Variants in TMEM132B observed in about 807,000 individuals in gnomAD.
TMEM132B encodes transmembrane protein 132B.
In TMEM132B, 18 loss-of-function variants were observed where a neutral mutation model predicts 90.8. The observed-to-expected ratio is 0.20, with a 90% confidence interval of 0.14 to 0.29. TMEM132B has a LOEUF of 0.29. Among genes scored for constraint, TMEM132B ranks in the 10% least tolerant of loss-of-function variants. TMEM132B has a pLI of 1.00. For synonymous variants in TMEM132B, 504 were observed against 523.3 expected, an observed-to-expected ratio of 0.96 and a Z score of 0.50; for missense variants, 1,096 against 1,326.8, an observed-to-expected ratio of 0.83 and a Z score of 2.70.
chr12:125,269,271 G>A (rs867355901), intron 1 of TMEM132B, among the ~76,000 whole-genome samples: 1 of 152,212 alleles, frequency 6.6e-6, no homozygotes, highest in African/African-American at 2.4e-5. Flanking sequence ...CGGGGACTTG[G>A]AGGGTCTCCT....
chr12:125,263,777 G>A (rs184504880), intron 1 of TMEM132B, among the ~76,000 whole-genome samples: 1 of 152,316 alleles, frequency 6.6e-6, no homozygotes, highest in East Asian at 1.9e-4. Flanking sequence ...GTGATTGGAT[G>A]TGAACTGTTA....
chr12:125,599,546 G>C (rs1236376710), intron 5 of TMEM132B, among the ~76,000 whole-genome samples: 3 of 152,100 alleles, frequency 2.0e-5, no homozygotes, highest in African/African-American at 7.2e-5. Flanking sequence ...GCTGGTGAGT[G>C]GTGTAGGGTG....
chr12:125,533,075 C>T (rs1460741928), intron 4 of TMEM132B, among the ~76,000 whole-genome samples: 3 of 152,154 alleles, frequency 2.0e-5, no homozygotes. Flanking sequence ...GATGCATGTG[C>T]TTAAGAAAAT....
intron 1 of TMEM132B, among the ~76,000 whole-genome samples, chr12:125,325,170 C>A (rs1426834841): frequency 6.6e-6 from 1 of 152,186 alleles, no homozygotes; most frequent in Non-Finnish European, 1.5e-5. Flanking sequence ...CAGTTGCTTA[C>A]ATTTTTCACA....
intron 1 of TMEM132B, among the ~76,000 whole-genome samples, chr12:125,208,754 AG>A (rs1308132085): frequency 6.6e-6 from 1 of 152,138 alleles, no homozygotes; most frequent in Admixed American, 6.5e-5. Context: ...GCCGCGTGGT[AG>A]AAAGGAAGGC....
intron 2 of TMEM132B, among the ~76,000 whole-genome samples, chr12:125,384,839 A>G (rs1878781872): frequency 6.6e-6 from 1 of 152,192 alleles, no homozygotes; most frequent in East Asian, 1.9e-4. Context: ...TTTAGTAGAA[A>G]TGGGGTTTCA....
intron 4 of TMEM132B, among the ~76,000 whole-genome samples, chr12:125,562,462 G>T (rs1884557180): frequency 6.6e-6 from 1 of 152,152 alleles, no homozygotes; most frequent in African/African-American, 2.4e-5. Flanking sequence ...GGTGCCAAAG[G>T]CCTCTCTTTT....
chr12:125,409,936 G>A (rs200255061), intron 2 of TMEM132B, among the ~76,000 whole-genome samples: 166 of 11,326 alleles, frequency 0.015, 39 homozygotes, highest in African/African-American at 0.042. Context: ...GTGGAGTGGA[G>A]TGGAGGAGTG....
intron 4 of TMEM132B, among the ~76,000 whole-genome samples, chr12:125,521,384 G>T (rs1883302305): frequency 6.6e-6 from 1 of 152,096 alleles, no homozygotes; most frequent in Admixed American, 6.5e-5. Flanking sequence ...ATGCTGGACT[G>T]CCCCTGCATG....
chr12:125,612,830 G>T, intron 5 of TMEM132B, among the ~76,000 whole-genome samples: 1 of 51,634 alleles, frequency 1.9e-5, no homozygotes, highest in Non-Finnish European at 4.3e-5. Context: ...TATGTAGTGG[G>T]TGTTTATATT....
intron 1 of TMEM132B, among the ~76,000 whole-genome samples, chr12:125,241,030 A>C (rs1250597321): frequency 6.6e-6 from 1 of 152,216 alleles, no homozygotes; most frequent in Non-Finnish European, 1.5e-5. Context: ...TAAAACAACG[A>C]TTCTTAACCC....
In TMEM132B at chr12:125,237,253, G is replaced by C. The variant is rs73410494; in HGVS notation, c.67+50387G>C. The stretch of plus-strand genomic sequence containing the variant: ...TCACCAGTGCCGCAGGTGACCTCCA[G>C]GGGGCACCAAGGGGCTGTGGCTTTG... On this transcript the variant is annotated intron_variant, in intron 1 of 8. Transcript: ENST00000682704. 3.5e-3 allele frequency among the ~76,000 whole-genome samples: 533 copies of C among 152,208 alleles called. 4 individuals carry two copies. The highest frequency in any genetic ancestry group is 0.012 in the African/African-American group (517 of 41,514).
In TMEM132B at chr12:125,654,700, A is replaced by G. The variant is rs1887017672; in HGVS notation, c.3242A>G (p.Asp1081Gly). The G allele has an allele frequency of 6.2e-7, 1 of 1,611,796 alleles. No homozygotes were observed. Residue 1081 changes from aspartate to glycine, a missense_variant, in exon 9 of 9, where the codon GAC becomes GGC. By Grantham distance (94) the Asp-to-Gly change is moderately conservative. Transcript: ENST00000682704. The surrounding 1 kb of genome is among the most constrained non-coding windows in gnomAD (Gnocchi z 5.8). ...DFRDYMESLQ[D>G]QM ...AGAGACTATATGGAAAGTCTGCAAG[A>G]CCAGATGTAAACTCCTTTCTTATGT...
At chr12:125,304,704 G>A (rs1006845319) in intron 1 of TMEM132B, among the ~76,000 whole-genome samples, 5 of 152,108 alleles carry the variant, frequency 3.3e-5, no homozygotes, top group Non-Finnish European at 5.9e-5. Flanking sequence ...GGTGCTGCTT[G>A]CCTGTAGTCC....
intron 2 of TMEM132B, among the ~76,000 whole-genome samples, chr12:125,389,319 C>A (rs2136299046): frequency 6.8e-6 from 1 of 147,308 alleles, no homozygotes; most frequent in African/African-American, 2.5e-5. Flanking sequence ...CTCCTTTCCT[C>A]CCCCTCCTCC....
intron 2 of TMEM132B, among the ~76,000 whole-genome samples, chr12:125,395,694 A>G (rs967594555): frequency 6.6e-6 from 1 of 152,170 alleles, no homozygotes; most frequent in Non-Finnish European, 1.5e-5. Context: ...AATAGAAGAC[A>G]CCCAACTCAA....
chr12:125,569,388 G>A (rs917058), intron 4 of TMEM132B, among the ~76,000 whole-genome samples: 87,474 of 151,996 alleles, frequency 0.58, 26,772 homozygotes, highest in Middle Eastern at 0.78. Context: ...TTCAGTGCCC[G>A]TCACAGTGGC....
At chr12:125,643,641 G>T (rs1390857041) in intron 5 of TMEM132B, among the ~76,000 whole-genome samples, 1 of 152,178 alleles carries the variant, frequency 6.6e-6, no homozygotes, top group Non-Finnish European at 1.5e-5. Context: ...ATTTTTCAGA[G>T]AACCTCAGTA....
At chr12:125,472,239 C>T (rs957848155) in intron 3 of TMEM132B, among the ~76,000 whole-genome samples, 7 of 152,156 alleles carry the variant, frequency 4.6e-5, no homozygotes, top group African/African-American at 1.2e-4. Context: ...CACAGCAGTG[C>T]AGGGGGGTAC....
Sources: gnomAD v4.1 joint callset for allele counts (sites outside exome capture counted in the v4.1 genomes callset) on GRCh38, gnomAD v4.1.1 for gene constraint, Gnocchi (gnomAD v3.1) non-coding constraint, MANE v1.5 for transcripts, NCBI Gene and HGNC (gene_info 2026-07-23, HGNC 2026-07-21) for gene names.